RAC1: variants seen among roughly 807,000 people sequenced by gnomAD.
RAC1 encodes the protein ras-related C3 botulinum toxin substrate 1.
RAC1 carries 2 observed loss-of-function variants against 25.2 expected under a neutral mutation model. The observed-to-expected ratio is 0.08, with a 90% confidence interval of 0.03 to 0.25. The LOEUF is 0.25. RAC1 is among the 10% of genes least tolerant of loss of function. The pLI is 1.00. For missense variants in RAC1, 50 were observed against 235.7 expected (o/e 0.21, Z 5.16); for synonymous variants, 88 against 94.0 (o/e 0.94, Z 0.37).
intron 3 of RAC1, among the ~76,000 whole-genome samples, chr7:6,397,026 C>CTTG (rs1583268783): frequency 5.7e-4 from 57 of 99,208 alleles, no homozygotes; most frequent in East Asian, 2.5e-3. Context: ...GCGAGACTCC[C>CTTG]TCTCAAAAAC....
intron 1 of RAC1, among the ~76,000 whole-genome samples, chr7:6,386,889 G>A (rs561812817): frequency 2.0e-5 from 3 of 152,184 alleles, no homozygotes; most frequent in African/African-American, 4.8e-5. Context: ...CAGAAGAGAC[G>A]TGAAGTTTTA....
rs922427766 is a variant in RAC1, at chr7:6,379,456, A to G, written c.35+4686A>G. On this transcript the variant is annotated intron_variant, in intron 1 of 5. Coordinates refer to ENST00000348035, the MANE Select transcript of RAC1 (RefSeq NM_006908.5). ...CACTGACTAATTTCGTATTTTTAAT[A>G]GAGACGAGGTTTCTCCTTGTTAGCC... Among the ~76,000 whole-genome samples the G allele has an allele frequency of 4.6e-5, 7 of 152,042 alleles. No individual in the cohort carries two copies. In the South Asian group the frequency reaches 6.2e-4, roughly 14 times the overall value.
chr7:6,400,937 AG>A (rs1326209999), intron 4 of RAC1, among the ~76,000 whole-genome samples: 3 of 151,944 alleles, frequency 2.0e-5, no homozygotes, highest in African/African-American at 7.2e-5. Context: ...GGCCTCCCAA[AG>A]TGCTGGGATT....
At chr7:6,380,075 G>A (rs187562683) in intron 1 of RAC1, among the ~76,000 whole-genome samples, 1 of 152,194 alleles carries the variant, frequency 6.6e-6, no homozygotes, top group East Asian at 1.9e-4. Context: ...TACTGTCCAG[G>A]AGTTTCTTAG....
At chr7:6,381,344 T>C (rs572772892) in intron 1 of RAC1, among the ~76,000 whole-genome samples, 2 of 152,088 alleles carry the variant, frequency 1.3e-5, no homozygotes, top group African/African-American at 2.4e-5. Context: ...AGAAACTTTA[T>C]GCACTATCTT....
intron 3 of RAC1, among the ~76,000 whole-genome samples, chr7:6,396,608 G>A (rs1264842226): frequency 3.9e-5 from 6 of 152,176 alleles, no homozygotes; most frequent in Non-Finnish European, 7.3e-5. Context: ...ACTGGTTCTC[G>A]ATGATCCTCT....
At chr7:6,375,251 T>C (rs1468234884) in intron 1 of RAC1, among the ~76,000 whole-genome samples, 1 of 152,120 alleles carries the variant, frequency 6.6e-6, no homozygotes, top group African/African-American at 2.4e-5. Context: ...CCCAAACTTT[T>C]CTTTAAAAAA....
At chr7:6,386,039 G>C (rs1382502223) in intron 1 of RAC1, among the ~76,000 whole-genome samples, 1 of 152,198 alleles carries the variant, frequency 6.6e-6, no homozygotes, top group Non-Finnish European at 1.5e-5. Context: ...AAACATTCCA[G>C]GTGGTTGGGA....
chr7:6,384,668 C>T (rs577485549), intron 1 of RAC1, among the ~76,000 whole-genome samples: 25 of 152,154 alleles, frequency 1.6e-4, no homozygotes, highest in African/African-American at 5.5e-4. Flanking sequence ...ACAAGGTCTC[C>T]CTATGTTGCC....
chr7:6,393,560 C>T (rs999493224), intron 3 of RAC1, among the ~76,000 whole-genome samples: 2 of 152,154 alleles, frequency 1.3e-5, no homozygotes, highest in African/African-American at 4.8e-5. Context: ...AAAGAGAACT[C>T]TCCTCAGCTT....
At chr7:6,398,935 C>G (rs1783322175) in intron 3 of RAC1, among the ~76,000 whole-genome samples, 1 of 152,332 alleles carries the variant, frequency 6.6e-6, no homozygotes, top group East Asian at 1.9e-4. Flanking sequence ...GTGATCTTCT[C>G]CTCCCAAGTG....
rs551209067 is a variant in RAC1, at chr7:6,402,449, G to C, written c.*3G>C. 2.1e-6 allele frequency: 3 copies of C among 1,408,784 alleles called. No homozygotes were observed. Among genetic ancestry groups the C allele is most frequent in the Non-Finnish European group, 2.8e-6 (3 of 1,067,082 alleles). The allele number at this position is 1,408,784 out of a possible 1,614,324, so 87.3% of individuals were successfully genotyped here. A position where few individuals can be genotyped will look rare whatever the true frequency, so the allele number is the denominator to read the frequency against. On this transcript the variant is annotated 3_prime_UTR_variant, in exon 6 of 6. Coordinates refer to ENST00000348035, the MANE Select transcript of RAC1 (RefSeq NM_006908.5). ...AGAGAAAATGCCTGCTGTTGTAAAT[G>C]TCTCAGCCCCTCGTTCTTGGTCCTG...
chr7:6,385,176 G>A (rs1392562208), intron 1 of RAC1, among the ~76,000 whole-genome samples: 1 of 152,144 alleles, frequency 6.6e-6, no homozygotes, highest in Non-Finnish European at 1.5e-5. Context: ...CTTTAATAAT[G>A]ACAGTTATCA....
At chr7:6,378,247 C>T (rs1782661068) in intron 1 of RAC1, among the ~76,000 whole-genome samples, 1 of 151,556 alleles carries the variant, frequency 6.6e-6, no homozygotes, top group African/African-American at 2.4e-5. Context: ...GATAATACAC[C>T]CGTATGAAAA....
At chr7:6,398,777 TC>T (rs1783317632) in intron 3 of RAC1, 1 of 1,515,842 alleles carries the variant, frequency 6.6e-7, no homozygotes, top group African/African-American at 1.4e-5. Context: ...TCATTTCACT[TC>T]GTTTTCCTAG....
At chr7:6,390,096 C>CCTTTTTTTTTTTTTT (rs1554263519) in intron 2 of RAC1, among the ~76,000 whole-genome samples, 5 of 74,916 alleles carry the variant, frequency 6.7e-5, no homozygotes, top group East Asian at 7.7e-4. Context: ...CCCTCCCTCC[C>CCTTTTTTTTTTTTTT]TTTTTTTTTT....
At chr7:6,375,053 C>G (rs1782541988) in intron 1 of RAC1, among the ~76,000 whole-genome samples, 1 of 151,564 alleles carries the variant, frequency 6.6e-6, no homozygotes. Context: ...CCGGACGCCG[C>G]CCGCCGCCCT....
At chr7:6,398,965 G>A (rs1386271161) in intron 3 of RAC1, among the ~76,000 whole-genome samples, 2 of 152,222 alleles carry the variant, frequency 1.3e-5, no homozygotes, top group Non-Finnish European at 1.5e-5. Flanking sequence ...GACAGTGAGA[G>A]GGCCCCTCTC....
At chr7:6,378,247 C>A (rs1782661068) in intron 1 of RAC1, among the ~76,000 whole-genome samples, 1 of 151,556 alleles carries the variant, frequency 6.6e-6, no homozygotes, top group Admixed American at 6.6e-5. Context: ...GATAATACAC[C>A]CGTATGAAAA....
Sources: allele counts gnomAD v4.1 joint callset (sites outside exome capture counted in the v4.1 genomes callset), GRCh38; gene constraint gnomAD v4.1.1; transcripts MANE v1.5; gene names NCBI Gene and HGNC (gene_info 2026-07-23, HGNC 2026-07-21).